Variants in TNNT2 observed in about 807,000 individuals in gnomAD.
TNNT2 encodes troponin T2, cardiac type, also known as troponin T, cardiac muscle.
Under a neutral mutation model 62.4 loss-of-function variants are expected in TNNT2, and 34 were observed. That is an observed-to-expected ratio of 0.54 (90% CI 0.41 to 0.72). TNNT2 has a LOEUF of 0.72. Among genes scored for constraint, TNNT2 ranks in the 30% least tolerant of loss-of-function variants. TNNT2 has a pLI of 0.00. For missense variants in TNNT2, 275 were observed against 381.9 expected, an observed-to-expected ratio of 0.72 and a Z score of 2.33; for synonymous variants, 123 against 127.2, an observed-to-expected ratio of 0.97 and a Z score of 0.22.
intron 12 of TNNT2, 75 bp downstream of exon 12, chr1:201,363,221 A>ACCTGC (rs1659023147): frequency 6.2e-7 from 1 of 1,611,472 alleles, no homozygotes; most frequent in African/African-American, 1.3e-5. Context: ...CCTAAAGTCT[A>ACCTGC]CCTGCTGCAG....
intron 10 of TNNT2, 22 bp downstream of exon 10, chr1:201,365,169 G>A: frequency 6.3e-7 from 1 of 1,581,188 alleles, no homozygotes; most frequent in Non-Finnish European, 8.7e-7. Flanking sequence ...GAGAATGTTA[G>A]GTGGGCAGAC....
rs761131892 is a variant in TNNT2 at position 201,359,678 on chromosome 1, G to T, written c.811-15C>A. ...AGAACATTGATCTGCAAGAAAAGTG[G>T]GAAGGACAAAGAGCAACGCTGGAGC... On this transcript the variant is annotated splice_polypyrimidine_tract_variant and intron_variant, in intron 15 of 16. Coordinates refer to ENST00000656932, the MANE Select transcript of TNNT2 (RefSeq NM_001276345.2). 9 of 1,582,802 alleles carry T rather than the reference G, an allele frequency of 5.7e-6. No individual in the cohort carries two copies. The South Asian group carries it at 9.2e-5, about 16-fold the overall frequency.
rs12049476 is a variant in TNNT2 at position 201,369,915 on chromosome 1, C to A, written c.68-70G>T. 13,219 of 1,593,194 alleles carry A rather than the reference C, an allele frequency of 8.3e-3. 714 individuals carry two copies. The East Asian group carries it at 0.16, about 20-fold the overall frequency. On this transcript the variant is annotated intron_variant, in intron 4 of 16. Coordinates refer to ENST00000656932, the MANE Select transcript of TNNT2 (RefSeq NM_001276345.2). ...GGTTAGTCTGGGAGCAGAGAGCCCGCGGCAGGAGCAGCCACCCAGCGCAGT... is the reference window on the plus strand; with the variant it reads ...GGTTAGTCTGGGAGCAGAGAGCCCGAGGCAGGAGCAGCCACCCAGCGCAGT...
chr1:201,364,028 C>A, intron 11 of TNNT2: 1 of 457,136 alleles, frequency 2.2e-6, no homozygotes, highest in Non-Finnish European at 4.0e-6. Context: ...CTAGGATGAC[C>A]GGCATGTGCC....
At chr1:201,373,652 C>T (rs932261299) in intron 1 of TNNT2, 3 of 302,964 alleles carry the variant, frequency 9.9e-6, no homozygotes, top group African/African-American at 6.5e-5. Context: ...AGCCTCACTG[C>T]AGCCTCAACC....
intron 4 of TNNT2, 130 bp downstream of exon 4, chr1:201,371,897 T>C (rs1180894075): frequency 1.6e-6 from 2 of 1,260,388 alleles, no homozygotes; most frequent in African/African-American, 1.5e-5. Context: ...TAGAAGGCAC[T>C]GTTGTTGGAG....
chr1:201,366,187 A>C, intron 8 of TNNT2: 1 of 1,040,318 alleles, frequency 9.6e-7, no homozygotes, highest in Non-Finnish European at 1.2e-6. Context: ...ACCGCAGTGC[A>C]CAAGAGGCCA....
intron 12 of TNNT2, chr1:201,363,061 T>C: frequency 1.1e-6 from 1 of 942,726 alleles, no homozygotes; most frequent in Non-Finnish European, 1.3e-6. Flanking sequence ...GGGGGCACCA[T>C]TGGTGCCCCA....
At chr1:201,374,913 G>C (rs917411447) in intron 1 of TNNT2, 3 of 152,246 alleles carry the variant, frequency 2.0e-5, no homozygotes, top group African/African-American at 7.2e-5. Flanking sequence ...TGAGGCTAAA[G>C]TGAGGCGGGA....
At position 201,369,437 on chromosome 1, in the gene TNNT2, C is replaced by A. The variant is rs560922218; in HGVS notation, c.97+379G>T. The A allele has an allele frequency of 1.6e-3, 759 of 481,200 alleles. 12 individuals carry two copies. In the Admixed American group the frequency reaches 0.017, roughly 11 times the overall value. 29.8% of individuals were successfully genotyped at this position (481,200 alleles called of 1,614,324 possible). ...CCACCCTGCTTGGTGCTGTCCAGCT[C>A]CTAAGGAGGGCCCAGCATGGAACAC... On this transcript the variant is annotated intron_variant, in intron 5 of 16. Transcript: ENST00000656932.
intron 1 of TNNT2, chr1:201,373,614 C>T (rs1660977479): frequency 5.3e-6 from 2 of 376,070 alleles, no homozygotes; most frequent in African/African-American, 2.1e-5. Context: ...AGGATCTGTT[C>T]AGCACTGTAC....
chr1:201,361,905 G>A lies in TNNT2; in HGVS notation c.719+8C>T, dbSNP rs1324914766. ...CAGTGCCCCAGGACCATTCCTCCCAGCCCCCACCTCAGCTGATCTTCATTC... is the reference window on the plus strand; with the variant it reads ...CAGTGCCCCAGGACCATTCCTCCCAACCCCCACCTCAGCTGATCTTCATTC... On this transcript the variant is annotated splice_region_variant and intron_variant, in intron 14 of 16. Transcript: ENST00000656932. 4 of 1,612,408 alleles carry A rather than the reference G, an allele frequency of 2.5e-6. No individual in the cohort carries two copies. The South Asian group carries it at 4.4e-5, about 18-fold the overall frequency.
intron 1 of TNNT2, among the ~76,000 whole-genome samples, chr1:201,376,189 T>C (rs1210686787): frequency 2.0e-5 from 3 of 152,164 alleles, no homozygotes; most frequent in Non-Finnish European, 4.4e-5. Flanking sequence ...GTTGGAAGCC[T>C]AACACGTTCA....
At chr1:201,363,067 C>T in intron 12 of TNNT2, 1 of 976,722 alleles carries the variant, frequency 1.0e-6, no homozygotes, top group African/African-American at 1.7e-5. Context: ...ACCATTGGTG[C>T]CCCAGGCTCT....
intron 3 of TNNT2, 23 bp from the exon 4 acceptor site, chr1:201,372,064 C>G (rs1435394694): frequency 1.2e-6 from 2 of 1,613,836 alleles, no homozygotes; most frequent in Non-Finnish European, 1.7e-6. Context: ...GAAGTCCAGG[C>G]AGCAAGAGAA....
At chr1:201,365,968 C>G in intron 8 of TNNT2, 2 of 1,277,400 alleles carry the variant, frequency 1.6e-6, no homozygotes, top group Non-Finnish European at 2.0e-6. Flanking sequence ...GAATGACTTG[C>G]TCAAAGCCAC....
chr1:201,365,261 G>A lies in TNNT2; in HGVS notation c.341C>T (p.Ala114Val), dbSNP rs727504245. ...RMEKDLNELQ[A>V]LIEAHFENRK... ...GTTCTCAAAGTGAGCCTCGATCAGC[G>A]CCTGCAACTCATTCAGGTCCTTCTC... The change falls in exon 10 of 17, where the codon GCG becomes GTG. Residue 114 changes from alanine (A) to valine (V), a missense_variant. Transcript: ENST00000656932. The A allele has an allele frequency of 2.7e-5, 43 of 1,614,048 alleles. No individual in the cohort carries two copies. Among genetic ancestry groups the A allele is most frequent in the Non-Finnish European group, 3.3e-5 (39 of 1,180,028 alleles).
intron 5 of TNNT2, 125 bp from the exon 6 acceptor site, chr1:201,368,352 T>C (rs777845910): frequency 9.0e-6 from 9 of 1,003,608 alleles, no homozygotes; most frequent in South Asian, 4.1e-5. Flanking sequence ...CCAGATGAAT[T>C]TGGGGGCAAC....
intron 10 of TNNT2, 72 bp from the exon 11 acceptor site, chr1:201,364,447 A>T: frequency 6.8e-7 from 1 of 1,479,078 alleles, no homozygotes; most frequent in Non-Finnish European, 9.3e-7. Flanking sequence ...AGAAACCTGC[A>T]TGGGGTGGCA....
Sources: allele counts gnomAD v4.1 joint callset (sites outside exome capture counted in the v4.1 genomes callset), GRCh38; gene constraint gnomAD v4.1.1; transcripts MANE v1.5; gene names NCBI Gene and HGNC (gene_info 2026-07-23, HGNC 2026-07-21).